The following SPATA22 variants were observed in gnomAD, a reference collection of about 807,000 sequenced individuals.
SPATA22 encodes spermatogenesis associated 22.
A neutral mutation model predicts 47.8 loss-of-function variants in SPATA22; 29 were observed. That is an observed-to-expected ratio of 0.61 (90% confidence interval 0.45 to 0.83). The LOEUF (loss-of-function observed/expected upper bound fraction) is 0.83, where lower values mean the gene tolerates loss of function less well. SPATA22 is among the 40% of genes least tolerant of loss of function. The pLI is 0.00. For synonymous variants in SPATA22, 133 were observed against 140.9 expected, an observed-to-expected ratio of 0.94 and a Z score of 0.40; for missense variants, 410 against 421.7, an observed-to-expected ratio of 0.97 and a Z score of 0.24.
Position 3,513,261 on chromosome 17 carries a change from C to A in SPATA22, c.-74+151G>T, listed in dbSNP as rs7208811. On this transcript the variant is annotated intron_variant, in intron 1 of 8. Coordinates refer to the SPATA22 transcript ENST00000541913. ...TGCAAGTTAAAACCCTGTGTTAATT[C>A]TGCTACTAAAAACATCTCTCAGCTT... The A allele has an allele frequency of 0.57, 86,466 of 152,470 alleles. 25,071 individuals are homozygous for A. The highest frequency in any genetic ancestry group is 0.63 in the Non-Finnish European group (43,002 of 67,978). The allele number at this position is 152,470 out of a possible 1,614,324, so 9.4% of individuals were successfully genotyped here.
intron 1 of SPATA22, among the ~76,000 whole-genome samples, chr17:3,503,991 C>A (rs1306956634): frequency 4.6e-5 from 7 of 152,052 alleles, no homozygotes. Context: ...CGACGCCTCC[C>A]TACACTCATC....
At chr17:3,505,679 A>G (rs16953091) in intron 1 of SPATA22, among the ~76,000 whole-genome samples, 23,876 of 152,054 alleles carry the variant, frequency 0.16, 2,135 homozygotes, top group African/African-American at 0.24. Context: ...CTGAAGGCCC[A>G]TATTTGCATA....
upstream of SPATA22, chr17:3,475,744 A>T (rs147073184): frequency 2.1e-5 from 4 of 186,104 alleles, no homozygotes; most frequent in African/African-American, 9.5e-5. Flanking sequence ...TTGTGAAATT[A>T]GAAACGTATA....
intron 1 of SPATA22, among the ~76,000 whole-genome samples, chr17:3,503,647 G>A (rs1351223734): frequency 6.6e-6 from 1 of 152,130 alleles, no homozygotes; most frequent in East Asian, 1.9e-4. Flanking sequence ...TTCCTATCAA[G>A]TCTAATCTTC....
At chr17:3,483,716 C>A in intron 1 of SPATA22, 1 of 921,190 alleles carries the variant, frequency 1.1e-6, no homozygotes, top group Non-Finnish European at 1.7e-6. Context: ...AGGCTGGAGT[C>A]CGATGGTGTG....
At chr17:3,507,528 GCTGTTA>G (rs1179490889) in intron 1 of SPATA22, among the ~76,000 whole-genome samples, 4 of 152,154 alleles carry the variant, frequency 2.6e-5, no homozygotes, top group African/African-American at 9.7e-5. Context: ...GCAGAACTTT[GCTGTTA>G]CTGTCAGAGG....
chr17:3,444,927 T>C (rs79551186), intron 7 of SPATA22, among the ~76,000 whole-genome samples: 2,149 of 152,102 alleles, frequency 0.014, 50 homozygotes, highest in African/African-American at 0.049. Flanking sequence ...TATAAAAGCA[T>C]GGACCCCCTT....
chr17:3,478,211 G>GAT (rs1456989322), intron 1 of SPATA22, among the ~76,000 whole-genome samples: 5 of 151,278 alleles, frequency 3.3e-5, no homozygotes, highest in Non-Finnish European at 5.9e-5. Flanking sequence ...ATATATATAA[G>GAT]ATATGCACAG....
intron 1 of SPATA22, among the ~76,000 whole-genome samples, chr17:3,505,124 T>C (rs2074029188): frequency 7.2e-6 from 1 of 139,050 alleles, no homozygotes; most frequent in South Asian, 2.5e-4. Flanking sequence ...CGCTTCCCCA[T>C]CTCCACACTT....
At chr17:3,467,684 A>T in intron 2 of SPATA22, 130 bp from the exon 3 acceptor site, 1 of 664,678 alleles carries the variant, frequency 1.5e-6, no homozygotes, top group Non-Finnish European at 2.2e-6. Context: ...ATAGATTTCT[A>T]TAACCTTAGA....
intron 1 of SPATA22, among the ~76,000 whole-genome samples, chr17:3,506,706 GAGGC>G (rs1462913887): frequency 6.6e-6 from 1 of 152,118 alleles, no homozygotes; most frequent in Admixed American, 6.5e-5. Flanking sequence ...TCGGGAGGCC[GAGGC>G]AGGTGGATCA....
chr17:3,462,642 T>A (rs2073151220), intron 4 of SPATA22, 64 bp from the exon 5 acceptor site: 21 of 1,577,848 alleles, frequency 1.3e-5, no homozygotes, highest in Non-Finnish European at 1.8e-5. Flanking sequence ...AATTAAGATA[T>A]ACGTAGAAGA....
intron 2 of SPATA22, among the ~76,000 whole-genome samples, chr17:3,467,996 T>C (rs2073352398): frequency 2.0e-5 from 3 of 152,214 alleles, no homozygotes; most frequent in South Asian, 4.1e-4. Flanking sequence ...CAAAGTTTCA[T>C]TGGACTAAGA....
At chr17:3,465,087 C>T (rs1294944233) in intron 3 of SPATA22, among the ~76,000 whole-genome samples, 2 of 111,002 alleles carry the variant, frequency 1.8e-5, no homozygotes, top group African/African-American at 3.4e-5. Context: ...CCCCTCCACC[C>T]GGCAGCCACC....
At chr17:3,459,552 T>A (rs7501618) in intron 5 of SPATA22, among the ~76,000 whole-genome samples, 2 of 151,942 alleles carry the variant, frequency 1.3e-5, no homozygotes, top group Non-Finnish European at 2.9e-5. Flanking sequence ...ATTACAGGCA[T>A]GCGCCACCAC....
intron 1 of SPATA22, among the ~76,000 whole-genome samples, chr17:3,504,805 C>T (rs1318995547): frequency 6.6e-6 from 1 of 152,164 alleles, no homozygotes; most frequent in Non-Finnish European, 1.5e-5. Flanking sequence ...ATGATCCACC[C>T]ACCTCGGCCT....
upstream of SPATA22, chr17:3,476,273 C>T (rs767049011): frequency 1.4e-5 from 22 of 1,614,118 alleles, no homozygotes; most frequent in South Asian, 2.0e-4. Flanking sequence ...TAGAGAATGG[C>T]GCTGAGATTC....
intron 1 of SPATA22, chr17:3,513,193 A>C (rs934772956): frequency 6.6e-6 from 1 of 152,606 alleles, no homozygotes; most frequent in Non-Finnish European, 1.5e-5. Context: ...CACAAACTTC[A>C]TTGTAGTAAT....
At chr17:3,452,698 A>T (rs571357507) in intron 5 of SPATA22, among the ~76,000 whole-genome samples, 1 of 152,268 alleles carries the variant, frequency 6.6e-6, no homozygotes, top group Non-Finnish European at 1.5e-5. Flanking sequence ...TAAATGAAAG[A>T]GGAGACATAC....
Sources: gnomAD v4.1 joint callset for allele counts (sites outside exome capture counted in the v4.1 genomes callset) on GRCh38, gnomAD v4.1.1 for gene constraint, MANE v1.5 for transcripts, NCBI Gene and HGNC (gene_info 2026-07-23, HGNC 2026-07-21) for gene names.